PRKG1: variants seen among roughly 807,000 people sequenced by gnomAD.
PRKG1 encodes the protein protein kinase cGMP-dependent 1.
A neutral mutation model predicts 88.1 loss-of-function variants in PRKG1; 35 were observed. The observed-to-expected ratio is 0.40, with a 90% CI of 0.30 to 0.53. The LOEUF is 0.53. PRKG1 is among the 20% of genes least tolerant of loss of function. The probability of loss-of-function intolerance (pLI) is 0.59; values close to 1 mark genes in which losing one functional copy is unlikely to be tolerated. For synonymous variants in PRKG1, 303 were observed against 292.5 expected, an observed-to-expected ratio of 1.04 and a Z score of -0.37; for missense variants, 540 against 839.8, an observed-to-expected ratio of 0.64 and a Z score of 4.41.
At chr10:51,397,477 A>G (rs1222816085) in intron 2 of PRKG1, among the ~76,000 whole-genome samples, 1 of 152,208 alleles carries the variant, frequency 6.6e-6, no homozygotes, top group African/African-American at 2.4e-5. Flanking sequence ...ATGAAACAAG[A>G]AAACCTCTTA....
At chr10:51,720,920 G>T (rs1841996038) in intron 3 of PRKG1, among the ~76,000 whole-genome samples, 1 of 152,024 alleles carries the variant, frequency 6.6e-6, no homozygotes, top group Non-Finnish European at 1.5e-5. Flanking sequence ...AAAACAACAT[G>T]GCTGGGGGTG....
chr10:51,481,980 T>C (rs917992631), intron 3 of PRKG1, among the ~76,000 whole-genome samples: 1 of 152,200 alleles, frequency 6.6e-6, no homozygotes, highest in African/African-American at 2.4e-5. Flanking sequence ...AATTCTGTTG[T>C]ATAACTTGAA....
At chr10:51,737,689 G>A (rs1053514038) in intron 3 of PRKG1, among the ~76,000 whole-genome samples, 5 of 150,736 alleles carry the variant, frequency 3.3e-5, no homozygotes, top group African/African-American at 1.2e-4. Flanking sequence ...CTGGTAGGGA[G>A]CCTAGGACTC....
chr10:51,323,254 T>A (rs1025051566), intron 2 of PRKG1, among the ~76,000 whole-genome samples: 3 of 152,238 alleles, frequency 2.0e-5, no homozygotes, highest in African/African-American at 7.2e-5. Context: ...TCAAAAATTA[T>A]ATGAAATAAT....
intron 2 of PRKG1, among the ~76,000 whole-genome samples, chr10:51,251,446 G>T (rs920966762): frequency 6.6e-6 from 1 of 151,754 alleles, no homozygotes; most frequent in African/African-American, 2.4e-5. Context: ...ACAGCTTATT[G>T]TATCTGCCAG....
chr10:51,157,660 A>T (rs535276515), intron 2 of PRKG1, among the ~76,000 whole-genome samples: 1 of 151,840 alleles, frequency 6.6e-6, no homozygotes, highest in African/African-American at 2.4e-5. Context: ...TGATTTGCTT[A>T]GAGATATTGG....
At chr10:51,836,903 G>C (rs1216778747) in intron 4 of PRKG1, among the ~76,000 whole-genome samples, 2 of 152,158 alleles carry the variant, frequency 1.3e-5, no homozygotes, top group Non-Finnish European at 2.9e-5. Context: ...AATTGCTTTA[G>C]CATTGTTTTG....
intron 5 of PRKG1, among the ~76,000 whole-genome samples, chr10:52,039,124 C>T (rs945704474): frequency 1.2e-4 from 18 of 152,100 alleles, no homozygotes; most frequent in African/African-American, 2.7e-4. Flanking sequence ...CATGCACGTC[C>T]GTGTGAAGAG....
intron 4 of PRKG1, among the ~76,000 whole-genome samples, chr10:51,881,140 A>G (rs1362452852): frequency 1.3e-5 from 2 of 151,956 alleles, no homozygotes; most frequent in African/African-American, 4.8e-5. Context: ...TGAGAATTGA[A>G]AAGATCAGAG....
intron 2 of PRKG1, among the ~76,000 whole-genome samples, chr10:51,250,132 C>A (rs1039509371): frequency 6.6e-6 from 1 of 151,696 alleles, no homozygotes; most frequent in East Asian, 1.9e-4. Context: ...AACTCCCCAA[C>A]CTACCCTAAA....
upstream of PRKG1, among the ~76,000 whole-genome samples, chr10:51,070,706 C>A (rs1843814337): frequency 6.6e-6 from 1 of 152,098 alleles, no homozygotes; most frequent in Admixed American, 6.5e-5. Context: ...TTAAATGATT[C>A]TGAGAATCCA....
intron 9 of PRKG1, among the ~76,000 whole-genome samples, chr10:52,189,980 T>C (rs1839322986): frequency 1.3e-5 from 2 of 152,234 alleles, no homozygotes; most frequent in East Asian, 3.9e-4. Context: ...TCATCACAGA[T>C]GCTAATCAAT....
intron 4 of PRKG1, among the ~76,000 whole-genome samples, chr10:51,900,935 AG>A (rs556725625): frequency 6.6e-6 from 1 of 152,314 alleles, no homozygotes; most frequent in South Asian, 2.1e-4. Flanking sequence ...TTTAATTTAA[AG>A]AATTAAATTT....
chr10:51,176,673 G>A (rs1241397490), intron 2 of PRKG1, among the ~76,000 whole-genome samples: 1 of 152,072 alleles, frequency 6.6e-6, no homozygotes, highest in Non-Finnish European at 1.5e-5. Flanking sequence ...TTCTAAAGTG[G>A]TGACAGGGAT....
chr10:51,460,697 A>T (rs1261457769), intron 2 of PRKG1, among the ~76,000 whole-genome samples: 1 of 152,166 alleles, frequency 6.6e-6, no homozygotes, highest in Non-Finnish European at 1.5e-5. Flanking sequence ...CTGGGGAAGG[A>T]TGTTGTGAAG....
At position 51,805,296 on chromosome 10, in the gene PRKG1, T is replaced by C. The variant is rs570796708; in HGVS notation, c.698+606T>C. Among the ~76,000 whole-genome samples, 125 of 152,096 alleles carry C rather than the reference T, an allele frequency of 8.2e-4. 5 individuals are homozygous for C. The South Asian group carries it at 0.025, about 30-fold the overall frequency. On this transcript the variant is annotated intron_variant, in intron 4 of 17. Coordinates refer to ENST00000373980, the MANE Select transcript of PRKG1 (RefSeq NM_006258.4). ...ATTATATATTATCATAATAACTCAA[T>C]ATAGGATGGAAATTAGAATAAAAAC...
At chr10:51,136,629 A>G (rs1262024830) in intron 1 of PRKG1, among the ~76,000 whole-genome samples, 1 of 151,152 alleles carries the variant, frequency 6.6e-6, no homozygotes, top group Non-Finnish European at 1.5e-5. Context: ...AGGGAGATGA[A>G]AATACAGGAG....
chr10:51,651,049 A>G lies in PRKG1; in HGVS notation c.593-153536A>G, dbSNP rs114077497. 5.6e-3 allele frequency among the ~76,000 whole-genome samples: 860 copies of G among 152,272 alleles called. 9 individuals are homozygous for G. Among genetic ancestry groups the G allele is most frequent in the African/African-American group, 0.02 (828 of 41,546 alleles). On this transcript the variant is annotated intron_variant, in intron 3 of 17. Transcript: ENST00000373980. ...GAGCAAGAGATGTTATTGAAGTCCA[A>G]TGGGTAAAGGCCAGGGATTCTGCTA...
rs1554837458 is a variant in PRKG1 at position 51,115,385 on chromosome 10, A to ATATATATATATATATATATAT, written c.312-37779_312-37778insTATATATATATATATATATAT. Among the ~76,000 whole-genome samples, 42 of 94,532 alleles carry ATATATATATATATATATATAT rather than the reference A, an allele frequency of 4.4e-4. 1 individual carries two copies. The highest frequency in any genetic ancestry group is 1.1e-3 in the South Asian group (2 of 1,834). 62.0% of individuals were successfully genotyped at this position (94,532 alleles called of 152,430 possible). On this transcript the variant is annotated intron_variant, in intron 1 of 17. Coordinates refer to ENST00000373980, the MANE Select transcript of PRKG1 (RefSeq NM_006258.4). ...TGTTCCTTTAAACATATATATATATAAAACAAATGTGAAAGGGGGAGAGAC... is the reference window on the plus strand; with the variant it reads ...TGTTCCTTTAAACATATATATATATATATATATATATATATATATATAAACAAATGTGAAAGGGGGAGAGAC...
Sources: allele counts gnomAD v4.1 joint callset (sites outside exome capture counted in the v4.1 genomes callset), GRCh38; gene constraint gnomAD v4.1.1; transcripts MANE v1.5; gene names NCBI Gene and HGNC (gene_info 2026-07-23, HGNC 2026-07-21).